SEL1L3: variants seen among roughly 807,000 people sequenced by gnomAD.
SEL1L3 encodes the protein SEL1L family member 3, also known as protein sel-1 homolog 3.
In SEL1L3, 76 loss-of-function variants were observed where a neutral mutation model predicts 142.8. That is an observed-to-expected ratio of 0.53 (90% CI 0.44 to 0.64). The LOEUF is 0.64. Among genes scored for constraint, SEL1L3 ranks in the 30% least tolerant of loss-of-function variants. The probability of loss-of-function intolerance (pLI) is 0.00; values close to 1 mark genes in which losing one functional copy is unlikely to be tolerated. For missense variants in SEL1L3, 1,262 were observed against 1,381.7 expected (o/e 0.91, Z 1.37); for synonymous variants, 504 against 519.6 (o/e 0.97, Z 0.41).
At chr4:25,818,020 A>G (rs1482123249) in intron 9 of SEL1L3, 118 bp downstream of exon 9, 3 of 1,082,476 alleles carry the variant, frequency 2.8e-6, no homozygotes, top group Non-Finnish European at 3.9e-6. Context: ...AAATTAAACT[A>G]AAACACTAGG....
intron 14 of SEL1L3, among the ~76,000 whole-genome samples, chr4:25,783,341 T>A (rs1248601347): frequency 1.3e-5 from 2 of 152,226 alleles, no homozygotes; most frequent in African/African-American, 4.8e-5. Flanking sequence ...ATCTTTTAGG[T>A]CTCTCATTCC....
At chr4:25,846,566 A>C (rs1260283957) in intron 2 of SEL1L3, among the ~76,000 whole-genome samples, 1 of 152,082 alleles carries the variant, frequency 6.6e-6, no homozygotes, top group Non-Finnish European at 1.5e-5. Flanking sequence ...TTTCTGTTGG[A>C]AGGGTTCCTT....
intron 20 of SEL1L3, among the ~76,000 whole-genome samples, chr4:25,760,454 G>A (rs1437956017): frequency 6.6e-6 from 1 of 152,168 alleles, no homozygotes; most frequent in Admixed American, 6.5e-5. Flanking sequence ...AGATTGCTGG[G>A]TCTTGAGGAA....
chr4:25,825,043 C>T (rs1016702484), intron 6 of SEL1L3, among the ~76,000 whole-genome samples: 2 of 152,010 alleles, frequency 1.3e-5, no homozygotes, highest in Non-Finnish European at 2.9e-5. Context: ...AAAAGAAGGC[C>T]CTCTCTAGAA....
intron 3 of SEL1L3, among the ~76,000 whole-genome samples, 180 bp from the exon 4 acceptor site, chr4:25,833,749 G>A (rs1037442463): frequency 6.6e-6 from 1 of 152,218 alleles, no homozygotes; most frequent in Non-Finnish European, 1.5e-5. Context: ...GGTAGTTAAA[G>A]TAACTGCAAA....
intron 20 of SEL1L3, chr4:25,759,333 C>T (rs1718220385): frequency 5.0e-6 from 2 of 401,310 alleles, no homozygotes; most frequent in Admixed American, 4.1e-5. Flanking sequence ...TCCTTTCTCG[C>T]TCACTCTCTC....
chr4:25,826,770 A>C (rs1715122179), intron 6 of SEL1L3, among the ~76,000 whole-genome samples: 1 of 152,076 alleles, frequency 6.6e-6, no homozygotes, highest in Admixed American at 6.6e-5. Context: ...GCTCTCTGCA[A>C]CCTTCACCTC....
intron 23 of SEL1L3, among the ~76,000 whole-genome samples, chr4:25,753,015 G>A (rs1717704230): frequency 6.6e-6 from 1 of 152,228 alleles, no homozygotes; most frequent in African/African-American, 2.4e-5. Context: ...TACGGAAGAG[G>A]GAACTGAGGC....
At chr4:25,723,079 AGG>A in the SEL1L3 span, among the ~76,000 whole-genome samples, 1 of 152,162 alleles carries the variant, frequency 6.6e-6, no homozygotes, top group African/African-American at 2.4e-5. Context: ...AGCAGATGCC[AGG>A]TGCTAATAAT....
the SEL1L3 span, chr4:25,720,950 C>T: frequency 1.3e-5 from 2 of 152,102 alleles, no homozygotes; most frequent in African/African-American, 2.4e-5. Flanking sequence ...GGGTCAGCGT[C>T]CCCCTAATTC....
At chr4:25,733,682 G>A in the SEL1L3 span, among the ~76,000 whole-genome samples, 3 of 151,818 alleles carry the variant, frequency 2.0e-5, no homozygotes, top group East Asian at 2.0e-4. Context: ...CACCGCGCCC[G>A]GCTAATTTTT....
chr4:25,744,988 C>A (rs1003551886), downstream of SEL1L3, among the ~76,000 whole-genome samples: 1 of 152,050 alleles, frequency 6.6e-6, no homozygotes, highest in African/African-American at 2.4e-5. Context: ...GTTATGGCAG[C>A]CCCAGCAAAC....
chr4:25,784,063 C>A (rs912215849), intron 14 of SEL1L3, among the ~76,000 whole-genome samples, 165 bp downstream of exon 14: 1 of 152,198 alleles, frequency 6.6e-6, no homozygotes, highest in African/African-American at 2.4e-5. Context: ...TAAAAAGTGA[C>A]TAATCACTGC....
rs564513614 is a variant in SEL1L3 at position 25,758,189 on chromosome 4, C to T, written c.3084-399G>A. 8.5e-5 allele frequency among the ~76,000 whole-genome samples: 13 copies of T among 152,280 alleles called. No homozygotes were observed. In the South Asian group the frequency reaches 2.3e-3, roughly 27 times the overall value. ...CTTTCAAAAAAGCATTGGCTATTTA[C>T]GCAGGGCATGGTGGCTCACACCCGT... On this transcript the variant is annotated intron_variant, in intron 21 of 23. Transcript: ENST00000399878.
chr4:25,833,516 C>A lies in SEL1L3; in HGVS notation c.914G>T (p.Cys305Phe), dbSNP rs1436492131. ...AGAGTCAACAAAGTACAGAATCCCA[C>A]AGAGGTTGGCCTTGCAATAATGGAG... ...YLLHYCKANL[C>F]GILYFVDSNE... The change falls in exon 4 of 24, where the codon TGT becomes TTT. Residue 305 changes from cysteine to phenylalanine, a missense_variant. Cys to Phe is a radical substitution (Grantham distance 205). Transcript: ENST00000399878. The A allele has an allele frequency of 1.1e-5, 17 of 1,612,890 alleles. No homozygotes were observed. Among genetic ancestry groups the A allele is most frequent in the Non-Finnish European group, 1.3e-5 (15 of 1,179,192 alleles).
At chr4:25,777,202 A>C (rs1055498633) in intron 16 of SEL1L3, among the ~76,000 whole-genome samples, 2 of 152,158 alleles carry the variant, frequency 1.3e-5, no homozygotes, top group African/African-American at 4.8e-5. Context: ...CTATATGATC[A>C]TCAGAAAAAA....
chr4:25,842,400 G>A (rs941771551), intron 2 of SEL1L3, among the ~76,000 whole-genome samples: 7 of 152,046 alleles, frequency 4.6e-5, no homozygotes, highest in African/African-American at 9.7e-5. Context: ...GAGTCGGGGC[G>A]GAACAGGAGC....
At chr4:25,786,027 T>G (rs966085671) in intron 13 of SEL1L3, among the ~76,000 whole-genome samples, 5 of 152,128 alleles carry the variant, frequency 3.3e-5, no homozygotes, top group Admixed American at 1.3e-4. Context: ...TTAAAAGTTG[T>G]TAAATGAGAG....
chr4:25,833,406 CA>C (rs768209606), intron 4 of SEL1L3, 41 bp downstream of exon 4: 1 of 1,579,202 alleles, frequency 6.3e-7, no homozygotes, highest in South Asian at 1.1e-5. Context: ...CAGAGCATTA[CA>C]AAATTACAAT....
Sources: allele counts gnomAD v4.1 joint callset (sites outside exome capture counted in the v4.1 genomes callset), GRCh38; gene constraint gnomAD v4.1.1; transcripts MANE v1.5; gene names NCBI Gene and HGNC (gene_info 2026-07-23, HGNC 2026-07-21).